Variants in GTSE1 observed in about 807,000 individuals in gnomAD.
The protein encoded by GTSE1 is G2 and S phase-expressed protein 1.
GTSE1 carries 52 observed loss-of-function variants against 60.5 expected under a neutral mutation model. The ratio of observed to expected loss-of-function variants is 0.86; its 90% CI spans 0.69 to 1.08. The LOEUF is 1.08. Among genes scored for constraint, GTSE1 ranks in the 50% least tolerant of loss-of-function variants. The pLI, the probability that GTSE1 is intolerant of heterozygous loss-of-function variation, is 0.00. For synonymous variants in GTSE1, 368 were observed against 386.5 expected (o/e 0.95, Z 0.56); for missense variants, 937 against 961.8 (o/e 0.97, Z 0.34).
In GTSE1 at chr22:46,318,820, T is replaced by C. The variant is rs1464454237; in HGVS notation, c.1432+2408T>C. 2.0e-5 allele frequency among the ~76,000 whole-genome samples: 3 copies of C among 152,256 alleles called. No homozygotes were observed. Among genetic ancestry groups the C allele is most frequent in the South Asian group, 2.1e-4 (1 of 4,816 alleles). On this transcript the variant is annotated intron_variant, in intron 7 of 11. Transcript: ENST00000454366. This position sits in a 1 kb window ranked among gnomAD's most constrained non-coding sequence, Gnocchi z 4.8. ...GCGACAGCTGGTCAGTACTCCTTGG[T>C]GTCAGGGACCCAGGCTTACTCCATC...
In GTSE1 at chr22:46,319,325, G is replaced by C. The variant is rs1421689691; in HGVS notation, c.1432+2913G>C. 1.3e-5 allele frequency among the ~76,000 whole-genome samples: 2 copies of C among 152,156 alleles called. No individual in the cohort carries two copies. The highest frequency in any genetic ancestry group is 4.8e-5 in the African/African-American group (2 of 41,436). On this transcript the variant is annotated intron_variant, in intron 7 of 11. Transcript: ENST00000454366. This position sits in a 1 kb window ranked among gnomAD's most constrained non-coding sequence, Gnocchi z 5.0. ...ACAGAGGGAAGAGCAGAGTCTCTGG[G>C]CCGAAGAGTGGTGGGGAGGGTAATG...
chr22:46,326,315 C>T, intron 8 of GTSE1, 121 bp from the exon 9 acceptor site: 1 of 778,304 alleles, frequency 1.3e-6, no homozygotes, highest in Non-Finnish European at 2.0e-6. Context: ...CACGGGCTCC[C>T]TGGCTTGGCT....
At chr22:46,327,551 T>A (rs1170060424) in intron 9 of GTSE1, among the ~76,000 whole-genome samples, 1 of 152,192 alleles carries the variant, frequency 6.6e-6, no homozygotes, top group Non-Finnish European at 1.5e-5. Flanking sequence ...GGCATGCGCC[T>A]GTAATCCCAG....
chr22:46,314,046 T>C lies in GTSE1; in HGVS notation c.1051+33T>C. On this transcript the variant is annotated intron_variant, in intron 6 of 11. Transcript: ENST00000454366. This position sits in a 1 kb window ranked among gnomAD's most constrained non-coding sequence, Gnocchi z 7.1. ...AGCCGGCATCATGCTTGGACCCACA[T>C]CTGGCCAGGTGAGGCCTGGAGTGCT... 6.2e-7 allele frequency: 1 copy of C among 1,612,200 alleles called. No homozygotes were observed. Among genetic ancestry groups the C allele is most frequent in the South Asian group, 1.1e-5 (1 of 91,060 alleles).
intron 2 of GTSE1, among the ~76,000 whole-genome samples, chr22:46,305,427 G>A (rs929764127): frequency 1.3e-5 from 2 of 151,962 alleles, no homozygotes; most frequent in African/African-American, 2.4e-5. Context: ...GGCTAACATT[G>A]TGAAACCCCG....
rs1202050619 is a variant in GTSE1 at position 46,316,460 on chromosome 22, A to G, written c.1432+48A>G. ...TGTGTCTTTAAAAAATACTGAAGAA[A>G]TTGCATTTAAAGTTTTAAACAATTA... On this transcript the variant is annotated intron_variant, in intron 7 of 11. Coordinates refer to ENST00000454366, the MANE Select transcript of GTSE1 (RefSeq NM_016426.7). The surrounding 1 kb of genome is among the most constrained non-coding windows in gnomAD (Gnocchi z 5.0). The G allele has an allele frequency of 2.5e-6, 3 of 1,199,072 alleles. 1 individual carries two copies. Among genetic ancestry groups the G allele is most frequent in the Non-Finnish European group, 3.5e-6 (3 of 848,238 alleles). The allele number at this position is 1,199,072 out of a possible 1,614,324, so 74.3% of individuals were successfully genotyped here.
At position 46,316,243 on chromosome 22, in the gene GTSE1, C is replaced by G; in HGVS notation, c.1263C>G (p.Pro421=). ...CCCCCTCAGCATCCCCCACCCAACCCCAGACTCCGGAAGGTGGCGGCCAGT... is the reference window on the plus strand; with the variant it reads ...CCCCCTCAGCATCCCCCACCCAACCGCAGACTCCGGAAGGTGGCGGCCAGT... ...TAPPSASPTQ[P]QTPEGGGQWL... Residue 421 remains proline (P), a synonymous_variant, in exon 7 of 12, where the codon CCC becomes CCG. Coordinates refer to ENST00000454366, the MANE Select transcript of GTSE1 (RefSeq NM_016426.7). This position sits in a 1 kb window ranked among gnomAD's most constrained non-coding sequence, Gnocchi z 5.0. 1.2e-6 allele frequency: 2 copies of G among 1,613,826 alleles called. No homozygotes were observed. The highest frequency in any genetic ancestry group is 1.7e-6 in the Non-Finnish European group (2 of 1,180,020).
In GTSE1 at chr22:46,316,497, G is replaced by A; in HGVS notation, c.1432+85G>A. 1.0e-6 allele frequency: 1 copy of A among 974,618 alleles called. No homozygotes were observed. Among genetic ancestry groups the A allele is most frequent in the Non-Finnish European group, 1.5e-6 (1 of 646,026 alleles). The allele number at this position is 974,618 out of a possible 1,614,324, so 60.4% of individuals were successfully genotyped here. The stretch of plus-strand genomic sequence containing the variant: ...GTTTTAAACAATTATTGATGGCATT[G>A]ATGGTGTTTTTAGTTCTTTCCTCCA... On this transcript the variant is annotated intron_variant, in intron 7 of 11. Transcript: ENST00000454366. The surrounding 1 kb of genome is among the most constrained non-coding windows in gnomAD (Gnocchi z 5.0).
intron 4 of GTSE1, among the ~76,000 whole-genome samples, 181 bp from the exon 5 acceptor site, chr22:46,311,960 A>C (rs948215732): frequency 6.6e-6 from 1 of 152,172 alleles, no homozygotes; most frequent in African/African-American, 2.4e-5. Flanking sequence ...ACTTATGTCC[A>C]TAGTGATTTG....
chr22:46,301,302 G>A (rs2077687778), intron 2 of GTSE1, among the ~76,000 whole-genome samples: 1 of 152,176 alleles, frequency 6.6e-6, no homozygotes, highest in Non-Finnish European at 1.5e-5. Flanking sequence ...GGGTCGAAGA[G>A]GGTGTGTGTT....
chr22:46,318,458 AG>A lies in GTSE1; in HGVS notation c.1432+2048del, dbSNP rs1258266464. Among the ~76,000 whole-genome samples, 2 of 152,204 alleles carry A rather than the reference AG, an allele frequency of 1.3e-5. No individual in the cohort carries two copies. The highest frequency in any genetic ancestry group is 3.2e-3 in the Middle Eastern group (1 of 316). ...TACTCTCACAGAATTTCTGTTTAAT[AG>A]GAAAAGATACGAAATGTTATCAGAT... is the stretch of plus-strand genomic sequence containing the variant. On this transcript the variant is annotated intron_variant, in intron 7 of 11. Coordinates refer to ENST00000454366, the MANE Select transcript of GTSE1 (RefSeq NM_016426.7). This position sits in a 1 kb window ranked among gnomAD's most constrained non-coding sequence, Gnocchi z 4.8.
chr22:46,306,871 T>G (rs1452523624), intron 2 of GTSE1, among the ~76,000 whole-genome samples: 1 of 152,208 alleles, frequency 6.6e-6, no homozygotes, highest in East Asian at 1.9e-4. Flanking sequence ...TTCAGTGCAT[T>G]TTGATAAATA....
chr22:46,302,038 T>C (rs934899680), intron 2 of GTSE1, among the ~76,000 whole-genome samples: 1 of 152,066 alleles, frequency 6.6e-6, no homozygotes, highest in African/African-American at 2.4e-5. Context: ...GGCAGGAGAA[T>C]CGCTTGAACC....
At chr22:46,306,782 C>T (rs2077717889) in intron 2 of GTSE1, among the ~76,000 whole-genome samples, 2 of 152,206 alleles carry the variant, frequency 1.3e-5, no homozygotes, top group Admixed American at 6.5e-5. Context: ...GCCACCTTGC[C>T]CGGCCTTCAT....
In GTSE1 at chr22:46,320,310, C is replaced by T. The variant is rs987693710; in HGVS notation, c.1433-2880C>T. On this transcript the variant is annotated intron_variant, in intron 7 of 11. Coordinates refer to ENST00000454366, the MANE Select transcript of GTSE1 (RefSeq NM_016426.7). This position sits in a 1 kb window ranked among gnomAD's most constrained non-coding sequence, Gnocchi z 7.1. ...TCTCAGATGTGCATTTCACCTTCGG[C>T]AGGCGGTTCCTCCTCTCTCCACAAT... is the stretch of plus-strand genomic sequence containing the variant. Among the ~76,000 whole-genome samples, 1 of 152,202 alleles carries T rather than the reference C, an allele frequency of 6.6e-6. No individual in the cohort carries two copies. Among genetic ancestry groups the T allele is most frequent in the Non-Finnish European group, 1.5e-5 (1 of 68,038 alleles).
intron 2 of GTSE1, among the ~76,000 whole-genome samples, chr22:46,303,863 CT>C (rs2077702531): frequency 6.6e-6 from 1 of 152,148 alleles, no homozygotes; most frequent in African/African-American, 2.4e-5. Flanking sequence ...GGAATTGGTT[CT>C]TTTCCTTCCT....
chr22:46,312,381 T>G, intron 5 of GTSE1, 76 bp downstream of exon 5: 4 of 1,432,294 alleles, frequency 2.8e-6, no homozygotes, highest in Non-Finnish European at 3.8e-6. Context: ...TGCTTTGGAT[T>G]AAAATCCCAG....
chr22:46,307,933 G>C (rs913685390), intron 2 of GTSE1, among the ~76,000 whole-genome samples: 1 of 152,100 alleles, frequency 6.6e-6, no homozygotes, highest in African/African-American at 2.4e-5. Context: ...TCAACATAGC[G>C]AGACTTCGTC....
intron 5 of GTSE1, 49 bp downstream of exon 5, chr22:46,312,354 G>A: frequency 6.4e-7 from 1 of 1,552,462 alleles, no homozygotes; most frequent in African/African-American, 1.4e-5. Context: ...GAATGAGGTG[G>A]CAGCTGTGTG....
Sources: gnomAD v4.1 joint callset for allele counts (sites outside exome capture counted in the v4.1 genomes callset) on GRCh38, gnomAD v4.1.1 for gene constraint, Gnocchi (gnomAD v3.1) non-coding constraint, MANE v1.5 for transcripts, NCBI Gene and HGNC (gene_info 2026-07-23, HGNC 2026-07-21) for gene names.